Variants in HLCS observed in about 807,000 individuals in gnomAD.
HLCS encodes holocarboxylase synthetase.
A neutral mutation model predicts 75.0 loss-of-function variants in HLCS; 53 were observed. The ratio of observed to expected loss-of-function variants is 0.71; its 90% CI spans 0.57 to 0.89. The LOEUF is 0.89. Among genes scored for constraint, HLCS ranks in the 40% least tolerant of loss-of-function variants. The pLI is 0.00. For synonymous variants in HLCS, 431 were observed against 428.6 expected (o/e 1.01, Z -0.07); for missense variants, 966 against 1,074.0 (o/e 0.90, Z 1.41).
chr21:36,767,363 G>A (rs2090077126), intron 6 of HLCS, 78 bp from the exon 7 acceptor site: 1 of 1,375,906 alleles, frequency 7.3e-7, no homozygotes, highest in Non-Finnish European at 1.0e-6. Flanking sequence ...AGGAGGGACA[G>A]GGTTTGCATG....
rs116014474 is a variant in HLCS, at chr21:36,851,555, G to A, written c.1892+45305C>T. 8.2e-3 allele frequency among the ~76,000 whole-genome samples: 1,254 copies of A among 152,190 alleles called. 13 individuals are homozygous for A. The highest frequency in any genetic ancestry group is 0.028 in the African/African-American group (1,173 of 41,514). ...GGGGGGCAGGGAGGTAGGTGGGGAT[G>A]GTTAATGGGGACAAAATAGTAGTTA... On this transcript the variant is annotated intron_variant, in intron 6 of 10. Coordinates refer to ENST00000674895, the MANE Select transcript of HLCS (RefSeq NM_001352514.2).
intron 6 of HLCS, among the ~76,000 whole-genome samples, chr21:36,805,126 C>A (rs2061325151): frequency 6.6e-6 from 1 of 152,006 alleles, no homozygotes; most frequent in South Asian, 2.1e-4. Flanking sequence ...TAGGCGATGC[C>A]AGAAACATGA....
chr21:36,881,169 C>A (rs1240847670), intron 6 of HLCS, among the ~76,000 whole-genome samples: 5 of 151,968 alleles, frequency 3.3e-5, no homozygotes, highest in Non-Finnish European at 2.9e-5. Flanking sequence ...GGGGTTTCAC[C>A]ATGTTGGCCA....
chr21:36,960,139 C>G (rs1433312694), intron 2 of HLCS, among the ~76,000 whole-genome samples: 5 of 112,168 alleles, frequency 4.5e-5, no homozygotes, highest in African/African-American at 1.4e-4. Context: ...CCACCCCCCC[C>G]CCCCCCGACC....
At chr21:36,778,990 C>T (rs564390772) in intron 6 of HLCS, among the ~76,000 whole-genome samples, 85 of 151,864 alleles carry the variant, frequency 5.6e-4, no homozygotes, top group African/African-American at 1.9e-3. Context: ...TGGTGAAAAA[C>T]GGTCTTTTAA....
intron 6 of HLCS, among the ~76,000 whole-genome samples, chr21:36,767,536 G>A (rs941580270): frequency 6.6e-6 from 1 of 152,160 alleles, no homozygotes; most frequent in Non-Finnish European, 1.5e-5. Flanking sequence ...GCGAGGGGGC[G>A]TGTGTACCTG....
At chr21:36,981,271 G>A (rs552134020) in intron 1 of HLCS, among the ~76,000 whole-genome samples, 1 of 152,134 alleles carries the variant, frequency 6.6e-6, no homozygotes, top group Non-Finnish European at 1.5e-5. Context: ...TGGGTTATTT[G>A]ATGAAGGAGG....
At chr21:36,829,789 G>A (rs1305174040) in intron 6 of HLCS, among the ~76,000 whole-genome samples, 1 of 152,138 alleles carries the variant, frequency 6.6e-6, no homozygotes, top group Non-Finnish European at 1.5e-5. Context: ...CCAGAGTGAA[G>A]CCAGCCCCTC....
chr21:36,930,196 A>G, intron 5 of HLCS, 55 bp downstream of exon 5: 2 of 1,458,954 alleles, frequency 1.4e-6, no homozygotes, highest in Non-Finnish European at 1.9e-6. Context: ...ACGGGTCGCC[A>G]CTGTGAAGAG....
chr21:36,759,839 A>T lies in HLCS; in HGVS notation c.2124T>A (p.Asp708Glu), dbSNP rs761209355. 2 of 1,587,140 alleles carry T rather than the reference A, an allele frequency of 1.3e-6. No individual in the cohort carries two copies. The highest frequency in any genetic ancestry group is 2.2e-5 in the East Asian group (1 of 44,762). The change falls in exon 9 of 11, where the codon GAT (aspartate) becomes GAA (glutamate). Residue 708 changes from aspartate to glutamate, a missense_variant and splice_region_variant. Transcript: ENST00000674895. ...TGGGCCACTTCACTCGTAAGTTGAT[A>T]TCCTAAAGGGAAATCTGCACATTAA... ...EAVRSIPEYQ[D>E]INLRVKWPND... is the part of the protein sequence containing the mutation.
chr21:36,971,181 T>G (rs4817836), upstream of HLCS, among the ~76,000 whole-genome samples: 107,883 of 152,012 alleles, frequency 0.71, 38,570 homozygotes, highest in East Asian at 0.93. Flanking sequence ...AGAACATCTT[T>G]AACTATTGGA....
At chr21:36,773,545 G>A (rs1022341050) in intron 6 of HLCS, among the ~76,000 whole-genome samples, 3 of 152,198 alleles carry the variant, frequency 2.0e-5, no homozygotes, top group South Asian at 2.1e-4. Context: ...AGTCTCCCTC[G>A]GGCCTGGAGG....
intron 6 of HLCS, among the ~76,000 whole-genome samples, chr21:36,887,173 T>C (rs1399015376): frequency 1.3e-5 from 2 of 151,776 alleles, no homozygotes; most frequent in Non-Finnish European, 2.9e-5. Flanking sequence ...TAGAAGATAA[T>C]TTGACCAAGC....
intron 6 of HLCS, among the ~76,000 whole-genome samples, chr21:36,843,073 T>G (rs2062669898): frequency 6.6e-6 from 1 of 152,258 alleles, no homozygotes; most frequent in African/African-American, 2.4e-5. Context: ...CACAGGATAC[T>G]AAGCTGAAAT....
intron 6 of HLCS, among the ~76,000 whole-genome samples, chr21:36,768,491 T>C (rs576349665): frequency 1.3e-5 from 2 of 152,360 alleles, no homozygotes; most frequent in Admixed American, 6.5e-5. Flanking sequence ...GTGTCCACTG[T>C]GCACCCATGG....
chr21:36,961,956 G>GGAAAAAAA, intron 2 of HLCS, 80 bp downstream of exon 2: 7 of 672,090 alleles, frequency 1.0e-5, no homozygotes, highest in South Asian at 3.7e-5. Flanking sequence ...TCTGTCTCAG[G>GGAAAAAAA]AAAAAAAAAA....
intron 5 of HLCS, among the ~76,000 whole-genome samples, chr21:36,910,161 G>A (rs558712899): frequency 2.0e-5 from 3 of 152,290 alleles, no homozygotes; most frequent in East Asian, 1.9e-4. Context: ...TATTTGACAC[G>A]CAAAATACTC....
At chr21:36,791,281 G>A (rs540819295) in intron 6 of HLCS, among the ~76,000 whole-genome samples, 148 of 152,246 alleles carry the variant, frequency 9.7e-4, no homozygotes, top group Admixed American at 1.8e-3. Flanking sequence ...TGCCGGAGCC[G>A]AGTACACACC....
chr21:36,888,440 AAAAAAATATATATATATATATAT>A (rs1438709032), intron 6 of HLCS, among the ~76,000 whole-genome samples: 52 of 30,542 alleles, frequency 1.7e-3, no homozygotes, highest in South Asian at 8.9e-3. Context: ...TTTAAAAAAA[AAAAAAATATATATATATATATAT>A]ATATATATAT....
Sources: gnomAD v4.1 joint callset for allele counts (sites outside exome capture counted in the v4.1 genomes callset) on GRCh38, gnomAD v4.1.1 for gene constraint, MANE v1.5 for transcripts, NCBI Gene and HGNC (gene_info 2026-07-23, HGNC 2026-07-21) for gene names.